LRRC53: variants seen among roughly 807,000 people sequenced by gnomAD.
LRRC53 encodes the protein leucine-rich repeat-containing protein 53.
LRRC53 carries 25 observed loss-of-function variants against 13.6 expected under a neutral mutation model. That is an observed-to-expected ratio of 1.83 (90% CI 1.34 to 2.56). The LOEUF (loss-of-function observed/expected upper bound fraction) is 2.56, where lower values mean the gene tolerates loss of function less well. Ranked by LOEUF, LRRC53 falls within the 30% of genes most tolerant of loss-of-function variation. The pLI, the probability that LRRC53 is intolerant of heterozygous loss-of-function variation, is 0.00. For synonymous variants in LRRC53, 204 were observed against 109.8 expected (o/e 1.86, Z -5.37); for missense variants, 527 against 275.8 (o/e 1.91, Z -6.45).
chr1:74,508,592 A>G (rs994030609), intron 1 of LRRC53, among the ~76,000 whole-genome samples: 3 of 152,218 alleles, frequency 2.0e-5, no homozygotes, highest in Non-Finnish European at 2.9e-5. Context: ...GACTGCATTC[A>G]GAGGATAAGT....
chr1:74,520,309 C>T, the LRRC53 span, among the ~76,000 whole-genome samples: 2 of 152,084 alleles, frequency 1.3e-5, no homozygotes, highest in Admixed American at 6.6e-5. Context: ...TTTAAATACA[C>T]GTACAGAATT....
At chr1:74,511,173 C>A (rs981062654) in intron 1 of LRRC53, among the ~76,000 whole-genome samples, 1 of 148,686 alleles carries the variant, frequency 6.7e-6, no homozygotes, top group Admixed American at 6.7e-5. Context: ...GGATTACAGG[C>A]GTGAGCTACC....
intron 1 of LRRC53, among the ~76,000 whole-genome samples, chr1:74,498,230 A>G (rs1186106446): frequency 6.6e-6 from 1 of 152,158 alleles, no homozygotes; most frequent in Non-Finnish European, 1.5e-5. Context: ...ACTGTATCTT[A>G]ACAGTTTTTT....
At chr1:74,500,591 G>T (rs1183187848) in intron 1 of LRRC53, among the ~76,000 whole-genome samples, 171 of 93,994 alleles carry the variant, frequency 1.8e-3, no homozygotes, top group African/African-American at 6.7e-3. Context: ...GCGACAGAGC[G>T]AGACTCCGTC....
chr1:74,497,643 C>A (rs1669397849), intron 1 of LRRC53, among the ~76,000 whole-genome samples: 1 of 151,712 alleles, frequency 6.6e-6, no homozygotes, highest in African/African-American at 2.4e-5. Flanking sequence ...CAATTGAACC[C>A]CAGATCATTT....
chr1:74,484,713 A>T (rs142821633), intron 1 of LRRC53, among the ~76,000 whole-genome samples: 42 of 152,276 alleles, frequency 2.8e-4, no homozygotes, highest in Middle Eastern at 3.4e-3. Flanking sequence ...TAAGAGGAAG[A>T]GTAGGGCACA....
chr1:74,509,979 C>T (rs1334379153), intron 1 of LRRC53, among the ~76,000 whole-genome samples: 1 of 151,894 alleles, frequency 6.6e-6, no homozygotes. Context: ...GTCTTGAATT[C>T]CTGAATTCAA....
the LRRC53 span, among the ~76,000 whole-genome samples, chr1:74,532,012 T>C: frequency 1.3e-5 from 2 of 152,302 alleles, no homozygotes; most frequent in African/African-American, 4.8e-5. Context: ...TGGACCAATT[T>C]GAATGGAAGA....
chr1:74,529,766 A>G, the LRRC53 span, among the ~76,000 whole-genome samples: 63,974 of 152,016 alleles, frequency 0.42, 15,406 homozygotes, highest in Non-Finnish European at 0.56. Flanking sequence ...TTTTAAATGA[A>G]AAGTTTTTTT....
chr1:74,470,589 T>C lies in LRRC53; in HGVS notation c.3033A>G (p.Gln1011=). The change falls in exon 5 of 5, where the codon CAA becomes CAG. Residue 1011 remains glutamine, a synonymous_variant. Coordinates refer to ENST00000294635, the MANE Select transcript of LRRC53 (RefSeq NM_001382280.1). ...TETYDSSLIP[Q]TQSKNNLSFM... is the part of the protein sequence containing the mutation. ...ATGATAGGTTGTTCTTGGATTGTGT[T>C]TGGGGAATGAGAGAGGAATCATAAG... is the stretch of plus-strand genomic sequence containing the variant. 2.5e-6 allele frequency: 1 copy of C among 400,724 alleles called. No individual in the cohort carries two copies. The highest frequency in any genetic ancestry group is 4.4e-6 in the Non-Finnish European group (1 of 226,180). 24.8% of individuals were successfully genotyped at this position (400,724 alleles called of 1,614,324 possible).
intron 4 of LRRC53, 108 bp downstream of exon 4, chr1:74,475,187 C>A: frequency 1.7e-6 from 1 of 576,436 alleles, no homozygotes; most frequent in Non-Finnish European, 3.1e-6. Context: ...TAGACTAGTG[C>A]TATAGTGATT....
chr1:74,524,049 C>A, the LRRC53 span, among the ~76,000 whole-genome samples: 4 of 152,152 alleles, frequency 2.6e-5, no homozygotes, highest in Non-Finnish European at 4.4e-5. Flanking sequence ...TTGCTTTCAC[C>A]AAAAATTGTT....
the LRRC53 span, among the ~76,000 whole-genome samples, chr1:74,517,763 C>A: frequency 2.0e-5 from 3 of 152,156 alleles, no homozygotes; most frequent in African/African-American, 7.2e-5. Context: ...GTCTCAATCA[C>A]AAAGCCAGTG....
At chr1:74,488,926 C>T (rs1668901011) in intron 1 of LRRC53, among the ~76,000 whole-genome samples, 2 of 152,170 alleles carry the variant, frequency 1.3e-5, no homozygotes, top group Non-Finnish European at 2.9e-5. Flanking sequence ...ACATGCAAAG[C>T]TAATTAAAGC....
the LRRC53 span, among the ~76,000 whole-genome samples, chr1:74,527,740 AC>A: frequency 6.6e-6 from 1 of 152,184 alleles, no homozygotes; most frequent in Non-Finnish European, 1.5e-5. Flanking sequence ...TAAAAATTTC[AC>A]CATTGTTACT....
rs961400795 is a variant in LRRC53 at position 74,470,099 on chromosome 1, T to A, written c.3523A>T (p.Ile1175Phe). ...TGTGCACTATCTTTATCTGGTTGAA[T>A]ATTTTGAACTTCTCTAAAATTATGT... is the stretch of plus-strand genomic sequence containing the variant. ...NVHNFREVQNIQPDKDSAHKE... is the reference protein window; with the variant it reads ...NVHNFREVQNFQPDKDSAHKE... Residue 1175 changes from isoleucine to phenylalanine, a missense_variant, in exon 5 of 5, where the codon ATT (isoleucine) becomes TTT (phenylalanine). By Grantham distance (21) the Ile-to-Phe change is conservative. Transcript: ENST00000294635. 3 of 400,616 alleles carry A rather than the reference T, an allele frequency of 7.5e-6. No individual in the cohort carries two copies. The highest frequency in any genetic ancestry group is 2.1e-5 in the African/African-American group (1 of 48,716). The allele number at this position is 400,616 out of a possible 1,614,324, so 24.8% of individuals were successfully genotyped here.
At chr1:74,507,361 C>T (rs1160224639) in intron 1 of LRRC53, among the ~76,000 whole-genome samples, 1 of 151,968 alleles carries the variant, frequency 6.6e-6, no homozygotes, top group Non-Finnish European at 1.5e-5. Flanking sequence ...TTACTATATT[C>T]TGTACAGATC....
upstream of LRRC53, among the ~76,000 whole-genome samples, chr1:74,513,985 C>A (rs1387027134): frequency 1.3e-5 from 2 of 152,162 alleles, no homozygotes; most frequent in African/African-American, 4.8e-5. Flanking sequence ...GTAAAGTTAT[C>A]TTTGGTTGTA....
chr1:74,497,602 A>G (rs980626283), intron 1 of LRRC53, among the ~76,000 whole-genome samples: 37 of 151,374 alleles, frequency 2.4e-4, no homozygotes, highest in African/African-American at 8.0e-4. Context: ...ACACACACAC[A>G]TCTACACACA....
Sources: gnomAD v4.1 joint callset for allele counts (sites outside exome capture counted in the v4.1 genomes callset) on GRCh38, gnomAD v4.1.1 for gene constraint, MANE v1.5 for transcripts, NCBI Gene and HGNC (gene_info 2026-07-23, HGNC 2026-07-21) for gene names.